SEMA3A: variants seen among roughly 807,000 people sequenced by gnomAD.
SEMA3A encodes semaphorin 3A.
A neutral mutation model predicts 97.9 loss-of-function variants in SEMA3A; 29 were observed. That is an observed-to-expected ratio of 0.30 (90% confidence interval 0.22 to 0.40). The LOEUF is 0.40. Ranked by LOEUF, SEMA3A falls within the 10% of genes least tolerant of loss-of-function variation. The pLI, the probability that SEMA3A is intolerant of heterozygous loss-of-function variation, is 1.00. For missense variants in SEMA3A, 763 were observed against 951.3 expected, an observed-to-expected ratio of 0.80 and a Z score of 2.60; for synonymous variants, 321 against 323.7, an observed-to-expected ratio of 0.99 and a Z score of 0.09.
intron 2 of SEMA3A, among the ~76,000 whole-genome samples, chr7:84,358,939 G>C (rs1298843247): frequency 6.6e-6 from 1 of 152,132 alleles, no homozygotes; most frequent in Non-Finnish European, 1.5e-5. Context: ...CTGTTTGTCT[G>C]TTATTGGTGT....
At chr7:84,217,545 T>C (rs1356225034) in intron 3 of SEMA3A, among the ~76,000 whole-genome samples, 2 of 152,140 alleles carry the variant, frequency 1.3e-5, no homozygotes, top group African/African-American at 4.8e-5. Flanking sequence ...ATGTGCTACA[T>C]TTTGAAAAGA....
chr7:84,026,743 A>G (rs1280087276), intron 6 of SEMA3A, among the ~76,000 whole-genome samples: 1 of 152,216 alleles, frequency 6.6e-6, no homozygotes, highest in Admixed American at 6.5e-5. Context: ...AAACTAACAC[A>G]GGAACAGAAA....
At position 84,380,058 on chromosome 7, in the gene SEMA3A, C is replaced by T. The variant is rs17158986; in HGVS notation, c.-245-8158G>A. ...AACTACATGGCAATATGAGAAATTCCGTGGCAGGTTTTGTGTGCATTCAAA... is the reference window on the plus strand; with the variant it reads ...AACTACATGGCAATATGAGAAATTCTGTGGCAGGTTTTGTGTGCATTCAAA... On this transcript the variant is annotated intron_variant, in intron 1 of 3. Coordinates refer to the SEMA3A transcript ENST00000424555. Among the ~76,000 whole-genome samples the T allele has an allele frequency of 0.014, 2,055 of 152,152 alleles. 93 individuals are homozygous for T. The East Asian group carries it at 0.16, about 12-fold the overall frequency.
In SEMA3A at chr7:84,108,439, T is replaced by C. The variant is rs571230281; in HGVS notation, c.453+2031A>G. Among the ~76,000 whole-genome samples the C allele has an allele frequency of 3.9e-5, 6 of 152,298 alleles. No homozygotes were observed. The East Asian group carries it at 9.7e-4, about 25-fold the overall frequency. On this transcript the variant is annotated intron_variant, in intron 4 of 16. Coordinates refer to ENST00000265362, the MANE Select transcript of SEMA3A (RefSeq NM_006080.3). ...ATAAGTCAACCTTGCATTTAAAATA[T>C]ACAGACACTAAGACTCAAAAGATTG...
chr7:84,366,056 T>A (rs988562283), intron 2 of SEMA3A, among the ~76,000 whole-genome samples: 2 of 151,426 alleles, frequency 1.3e-5, no homozygotes, highest in African/African-American at 4.8e-5. Context: ...AAGGCATTTG[T>A]ACTACCTCTG....
intron 3 of SEMA3A, among the ~76,000 whole-genome samples, chr7:84,301,690 T>C (rs1213103013): frequency 6.6e-6 from 1 of 152,156 alleles, no homozygotes; most frequent in Non-Finnish European, 1.5e-5. Flanking sequence ...ATTCTGCCTT[T>C]GTAATATGAA....
At position 84,448,157 on chromosome 7, in the gene SEMA3A, A is replaced by T. The variant is rs374966907; in HGVS notation, c.-246+44303T>A. On this transcript the variant is annotated intron_variant, in intron 1 of 3. Coordinates refer to the SEMA3A transcript ENST00000424555. ...TACTGTGAGCCGTGCACAGCCTGCC[A>T]GGTCGAGTTGGAGGAAGGAGCCCAG... Among the ~76,000 whole-genome samples, 31 of 152,282 alleles carry T rather than the reference A, an allele frequency of 2.0e-4. No individual in the cohort carries two copies. In the East Asian group the frequency reaches 5.2e-3, roughly 26 times the overall value.
At chr7:84,023,371 A>AT (rs1459070674) in intron 6 of SEMA3A, among the ~76,000 whole-genome samples, 1 of 152,146 alleles carries the variant, frequency 6.6e-6, no homozygotes, top group Non-Finnish European at 1.5e-5. Flanking sequence ...GAACAAAAAT[A>AT]TTTTTTCTGA....
intron 13 of SEMA3A, 140 bp from the exon 14 acceptor site, chr7:83,981,618 CT>C (rs1454005988): frequency 1.5e-6 from 1 of 680,732 alleles, no homozygotes; most frequent in African/African-American, 1.8e-5. Context: ...TTGCTAATTT[CT>C]TTAAAGGCCT....
intron 15 of SEMA3A, among the ~76,000 whole-genome samples, chr7:83,967,822 T>A (rs1788764574): frequency 6.6e-6 from 1 of 152,158 alleles, no homozygotes; most frequent in Non-Finnish European, 1.5e-5. Context: ...ACATAATATA[T>A]GTACATATTT....
chr7:84,322,908 G>A (rs933263415), intron 2 of SEMA3A, among the ~76,000 whole-genome samples: 13 of 152,148 alleles, frequency 8.5e-5, no homozygotes, highest in Admixed American at 8.5e-4. Context: ...AGGGAGAATA[G>A]CATGGCAGGT....
At chr7:84,213,967 T>A (rs1281485722) in intron 3 of SEMA3A, among the ~76,000 whole-genome samples, 1 of 152,214 alleles carries the variant, frequency 6.6e-6, no homozygotes, top group African/African-American at 2.4e-5. Context: ...CTCCAAGTCA[T>A]CTGCTTATAA....
At chr7:84,324,134 A>G (rs1225644731) in intron 2 of SEMA3A, among the ~76,000 whole-genome samples, 2 of 152,192 alleles carry the variant, frequency 1.3e-5, no homozygotes, top group Admixed American at 1.3e-4. Context: ...GCCAATTTAA[A>G]TTTTTGGCAC....
intron 1 of SEMA3A, among the ~76,000 whole-genome samples, chr7:84,192,077 G>T (rs1390246691): frequency 6.6e-6 from 1 of 151,854 alleles, no homozygotes; most frequent in Non-Finnish European, 1.5e-5. Flanking sequence ...GTTAATGGTG[G>T]ATCTTTGAAA....
intron 14 of SEMA3A, among the ~76,000 whole-genome samples, chr7:83,978,265 T>A (rs879793235): frequency 4.6e-5 from 7 of 152,146 alleles, no homozygotes; most frequent in Non-Finnish European, 7.4e-5. Flanking sequence ...GAACTTACAT[T>A]TAAGAGAAAA....
intron 1 of SEMA3A, among the ~76,000 whole-genome samples, chr7:84,465,364 A>G (rs184320062): frequency 2.2e-4 from 34 of 152,270 alleles, no homozygotes; most frequent in African/African-American, 7.5e-4. Context: ...ACCTCATTTG[A>G]ATGAGGCTAA....
intron 4 of SEMA3A, among the ~76,000 whole-genome samples, chr7:84,090,630 T>C (rs1187705051): frequency 6.6e-6 from 1 of 152,198 alleles, no homozygotes; most frequent in Non-Finnish European, 1.5e-5. Context: ...TAAGCAATTT[T>C]CTTTCTTTAA....
intron 3 of SEMA3A, among the ~76,000 whole-genome samples, chr7:84,300,398 A>C (rs971907582): frequency 6.6e-6 from 1 of 152,134 alleles, no homozygotes; most frequent in Non-Finnish European, 1.5e-5. Flanking sequence ...AGCAAATCCC[A>C]AAAGGCATAA....
intron 3 of SEMA3A, among the ~76,000 whole-genome samples, chr7:84,244,982 G>C (rs191420488): frequency 1.3e-5 from 2 of 152,066 alleles, no homozygotes; most frequent in Admixed American, 1.3e-4. Context: ...GCTTCCCTTC[G>C]TGGGTAACCC....
Sources: allele counts gnomAD v4.1 joint callset (sites outside exome capture counted in the v4.1 genomes callset), GRCh38; gene constraint gnomAD v4.1.1; transcripts MANE v1.5; gene names NCBI Gene and HGNC (gene_info 2026-07-23, HGNC 2026-07-21).